The following FOXK1 variants were observed in gnomAD, a reference collection of about 807,000 sequenced individuals.
The protein encoded by FOXK1 is forkhead box K1.
Under a neutral mutation model 51.9 loss-of-function variants are expected in FOXK1, and 19 were observed. The observed-to-expected ratio is 0.37, with a 90% confidence interval of 0.26 to 0.54. FOXK1 has a LOEUF of 0.54. Ranked by LOEUF, FOXK1 falls within the 20% of genes least tolerant of loss-of-function variation. The pLI, the probability that FOXK1 is intolerant of heterozygous loss-of-function variation, is 0.87. For missense variants in FOXK1, 870 were observed against 1,032.7 expected (o/e 0.84, Z 2.16); for synonymous variants, 537 against 482.6 (o/e 1.11, Z -1.48).
intron 1 of FOXK1, among the ~76,000 whole-genome samples, chr7:4,726,621 CAA>C (rs557341220): frequency 7.3e-6 from 1 of 137,796 alleles, no homozygotes. Flanking sequence ...GACTCCGTCT[CAA>C]AAAAAAAAAA....
At position 4,753,041 on chromosome 7, in the gene FOXK1, C is replaced by T. The variant is rs931796348; in HGVS notation, c.747-1418C>T. Among the ~76,000 whole-genome samples, 33 of 152,172 alleles carry T rather than the reference C, an allele frequency of 2.2e-4. No individual in the cohort carries two copies. Among genetic ancestry groups the T allele is most frequent in the Admixed American group, 1.4e-3 (21 of 15,280 alleles). The stretch of plus-strand genomic sequence containing the variant: ...CATTTGTGGGTGTTCATTTAAGTTT[C>T]GACACGTGTGGAACTTACCTATCTC... On this transcript the variant is annotated intron_variant, in intron 2 of 8. Transcript: ENST00000328914. This position sits in a 1 kb window ranked among gnomAD's most constrained non-coding sequence, Gnocchi z 4.9.
intron 1 of FOXK1, among the ~76,000 whole-genome samples, chr7:4,702,704 C>G (rs1200015990): frequency 1.3e-5 from 2 of 152,270 alleles, no homozygotes; most frequent in Non-Finnish European, 1.5e-5. Context: ...GTCGTGACAT[C>G]TTCTTCATGA....
chr7:4,705,752 T>G (rs1780081547), intron 1 of FOXK1, among the ~76,000 whole-genome samples: 1 of 148,082 alleles, frequency 6.8e-6, no homozygotes, highest in African/African-American at 2.6e-5. Context: ...TTGGCCAGGA[T>G]GGTCTCGATC....
In FOXK1 at chr7:4,767,925, C is replaced by T. The variant is rs1023426285; in HGVS notation, c.*5461C>T. The T allele has an allele frequency of 1.3e-5, 2 of 151,916 alleles. No homozygotes were observed. Among genetic ancestry groups the T allele is most frequent in the African/African-American group, 2.4e-5 (1 of 41,330 alleles). 9.4% of individuals were successfully genotyped at this position (151,916 alleles called of 1,614,324 possible). ...TCGAGAAGGGGGCCCTTACCCACAC[C>T]GTGCGGCTTGAATTCTGTCGGAGTT... On this transcript the variant is annotated 3_prime_UTR_variant, in exon 9 of 9. Coordinates refer to ENST00000328914, the MANE Select transcript of FOXK1 (RefSeq NM_001037165.2). This position sits in a 1 kb window ranked among gnomAD's most constrained non-coding sequence, Gnocchi z 6.6.
chr7:4,725,239 T>C (rs1350639185), intron 1 of FOXK1, among the ~76,000 whole-genome samples: 1 of 152,216 alleles, frequency 6.6e-6, no homozygotes, highest in Non-Finnish European at 1.5e-5. Flanking sequence ...AGAATAGCAG[T>C]GCCCAGGCTT....
Position 4,683,346 on chromosome 7 carries a change from A to C in FOXK1, c.560+478A>C, listed in dbSNP as rs1779777806. ...GACTCCGGGGTCATTCTGAACTCCC[A>C]CTGGCCTGGATCCCTGGGGTCATCT... On this transcript the variant is annotated intron_variant, in intron 1 of 8. Coordinates refer to ENST00000328914, the MANE Select transcript of FOXK1 (RefSeq NM_001037165.2). This position sits in a 1 kb window ranked among gnomAD's most constrained non-coding sequence, Gnocchi z 4.5. Among the ~76,000 whole-genome samples, 1 of 151,314 alleles carries C rather than the reference A, an allele frequency of 6.6e-6. No homozygotes were observed. The highest frequency in any genetic ancestry group is 2.4e-5 in the African/African-American group (1 of 41,064).
Position 4,761,536 on chromosome 7 carries a change from C to T in FOXK1, c.1921+248C>T, listed in dbSNP as rs1041231444. 2.6e-5 allele frequency among the ~76,000 whole-genome samples: 4 copies of T among 152,058 alleles called. No individual in the cohort carries two copies. Among genetic ancestry groups the T allele is most frequent in the South Asian group, 4.1e-4 (2 of 4,822 alleles). On this transcript the variant is annotated intron_variant, in intron 8 of 8. Coordinates refer to ENST00000328914, the MANE Select transcript of FOXK1 (RefSeq NM_001037165.2). This position sits in a 1 kb window ranked among gnomAD's most constrained non-coding sequence, Gnocchi z 6.2. ...TGAGCTCAGGAGTTCGAGACCAGCC[C>T]GGGCAACATAGCAAGACCCCATCTC...
chr7:4,717,087 G>A (rs1036840373), intron 1 of FOXK1, among the ~76,000 whole-genome samples: 8 of 150,238 alleles, frequency 5.3e-5, no homozygotes, highest in African/African-American at 7.4e-5. Context: ...ATGTGGTGGC[G>A]GGAGGCACGT....
At position 4,764,675 on chromosome 7, in the gene FOXK1, C is replaced by T. The variant is rs1016124806; in HGVS notation, c.*2211C>T. 1.3e-5 allele frequency: 2 copies of T among 152,498 alleles called. No individual in the cohort carries two copies. Among genetic ancestry groups the T allele is most frequent in the Non-Finnish European group, 2.9e-5 (2 of 68,264 alleles). 9.4% of individuals were successfully genotyped at this position (152,498 alleles called of 1,614,324 possible). On this transcript the variant is annotated 3_prime_UTR_variant, in exon 9 of 9. Transcript: ENST00000328914. ...GCCTCTGTGATTACCTGCTGCTGCT[C>T]TCTCCCGCGTGGTGACTATATGTCC...
At chr7:4,724,376 T>G (rs1299019806) in intron 1 of FOXK1, among the ~76,000 whole-genome samples, 1 of 152,048 alleles carries the variant, frequency 6.6e-6, no homozygotes, top group Non-Finnish European at 1.5e-5. Context: ...ATGTATTTTT[T>G]TGTAGAGACG....
chr7:4,691,597 A>G (rs1471591544), intron 1 of FOXK1, among the ~76,000 whole-genome samples: 1 of 152,136 alleles, frequency 6.6e-6, no homozygotes. Flanking sequence ...CGGCCTCCCA[A>G]AGTGCTGGGA....
intron 1 of FOXK1, among the ~76,000 whole-genome samples, chr7:4,713,008 C>T (rs1780193626): frequency 6.6e-6 from 1 of 152,188 alleles, no homozygotes; most frequent in Non-Finnish European, 1.5e-5. Context: ...TGACCAGTGC[C>T]AGCAAAGGGG....
intron 1 of FOXK1, among the ~76,000 whole-genome samples, chr7:4,685,257 G>T (rs950875640): frequency 8.0e-6 from 1 of 125,180 alleles, no homozygotes. Context: ...ATGGAGTCTC[G>T]CTCTGTTGTC....
chr7:4,727,804 GAT>G (rs1167975152), intron 1 of FOXK1, among the ~76,000 whole-genome samples: 1 of 152,216 alleles, frequency 6.6e-6, no homozygotes, highest in East Asian at 1.9e-4. Flanking sequence ...GAGTAAACGA[GAT>G]TATAACTTGT....
chr7:4,727,472 C>T (rs773088585), intron 1 of FOXK1, among the ~76,000 whole-genome samples: 14 of 152,088 alleles, frequency 9.2e-5, no homozygotes, highest in East Asian at 1.9e-4. Flanking sequence ...TGCAGCACCA[C>T]GCCCAGCTAG....
Position 4,745,272 on chromosome 7 carries a change from C to T in FOXK1, c.746+4249C>T, listed in dbSNP as rs982652450. Among the ~76,000 whole-genome samples the T allele has an allele frequency of 1.3e-5, 2 of 152,188 alleles. No individual in the cohort carries two copies. Among genetic ancestry groups the T allele is most frequent in the Non-Finnish European group, 2.9e-5 (2 of 68,028 alleles). On this transcript the variant is annotated intron_variant, in intron 2 of 8. Coordinates refer to ENST00000328914, the MANE Select transcript of FOXK1 (RefSeq NM_001037165.2). This position sits in a 1 kb window ranked among gnomAD's most constrained non-coding sequence, Gnocchi z 4.3. ...CTCATTGGCCGTGGAGTGGCTGGCTCGGTGTAGGCCGGGCTCGCCCAGGGC... is the reference window on the plus strand; with the variant it reads ...CTCATTGGCCGTGGAGTGGCTGGCTTGGTGTAGGCCGGGCTCGCCCAGGGC...
In FOXK1 at chr7:4,723,850, G is replaced by C. The variant is rs1489414339; in HGVS notation, c.561-16988G>C. Among the ~76,000 whole-genome samples, 1 of 152,004 alleles carries C rather than the reference G, an allele frequency of 6.6e-6. No homozygotes were observed. The highest frequency in any genetic ancestry group is 1.5e-5 in the Non-Finnish European group (1 of 68,000). On this transcript the variant is annotated intron_variant, in intron 1 of 8. Transcript: ENST00000328914. The surrounding 1 kb of genome is among the most constrained non-coding windows in gnomAD (Gnocchi z 4.7). ...ACCTGGCTGACTTCTTTGTATTTTTGGTAAAGATGGGGATCTCACTATGTT... is the reference window on the plus strand; with the variant it reads ...ACCTGGCTGACTTCTTTGTATTTTTCGTAAAGATGGGGATCTCACTATGTT...
At chr7:4,739,676 GAAGCCGGTCCATT>G (rs1562384905) in intron 1 of FOXK1, among the ~76,000 whole-genome samples, 1 of 152,212 alleles carries the variant, frequency 6.6e-6, no homozygotes, top group Non-Finnish European at 1.5e-5. Flanking sequence ...AACTGATCGT[GAAGCCGGTCCATT>G]AAGCTCTGGG....
intron 1 of FOXK1, among the ~76,000 whole-genome samples, chr7:4,714,734 C>T (rs1046085967): frequency 2.0e-5 from 3 of 152,226 alleles, no homozygotes; most frequent in African/African-American, 7.2e-5. Flanking sequence ...CGGTTCAAAA[C>T]TCAAAAGGTA....
Sources: allele counts gnomAD v4.1 joint callset (sites outside exome capture counted in the v4.1 genomes callset), GRCh38; gene constraint gnomAD v4.1.1; non-coding constraint Gnocchi (gnomAD v3.1); transcripts MANE v1.5; gene names NCBI Gene and HGNC (gene_info 2026-07-23, HGNC 2026-07-21).